Variants in ARK2N observed in about 807,000 individuals in gnomAD.
The protein encoded by ARK2N is arkadia (RNF111) N-terminal like PKA signaling regulator 2N.
At chr18:46,190,775 A>G in the ARK2N span, among the ~76,000 whole-genome samples, 1 of 152,138 alleles carries the variant, frequency 6.6e-6, no homozygotes, top group Admixed American at 6.6e-5. Flanking sequence ...CTAAGAAGCA[A>G]AGGCCAAGGT....
chr18:46,177,431 CT>C, the ARK2N span, among the ~76,000 whole-genome samples: 56,255 of 89,120 alleles, frequency 0.63, 16,897 homozygotes, highest in South Asian at 0.79. Context: ...TTTTTCTTTA[CT>C]TTTTTTTTTT....
At chr18:46,260,839 C>T in the ARK2N span, among the ~76,000 whole-genome samples, 3 of 152,170 alleles carry the variant, frequency 2.0e-5, no homozygotes, top group Non-Finnish European at 4.4e-5. Context: ...TACTCCAGTT[C>T]TATGCTTAAC....
the ARK2N span, among the ~76,000 whole-genome samples, chr18:46,199,353 T>C: frequency 0.72 from 109,369 of 151,732 alleles, 39,608 homozygotes; most frequent in Middle Eastern, 0.76. Context: ...CTCTCGCTGT[T>C]GCCCAGGCTG....
the ARK2N span, among the ~76,000 whole-genome samples, chr18:46,231,559 T>C: frequency 1.3e-4 from 17 of 135,544 alleles, no homozygotes; most frequent in Non-Finnish European, 2.1e-4. Context: ...TGATTAAAGG[T>C]TTGGGGCTTT....
At chr18:46,237,340 A>G in the ARK2N span, among the ~76,000 whole-genome samples, 2 of 151,606 alleles carry the variant, frequency 1.3e-5, no homozygotes, top group Non-Finnish European at 2.9e-5. Flanking sequence ...ACCATAAGTT[A>G]GCTAATATTT....
At chr18:46,214,743 T>G in the ARK2N span, among the ~76,000 whole-genome samples, 12 of 152,332 alleles carry the variant, frequency 7.9e-5, no homozygotes, top group South Asian at 2.3e-3. Context: ...TTCTCTTAAA[T>G]CCCTTTATTC....
chr18:46,188,776 G>T, the ARK2N span, among the ~76,000 whole-genome samples: 3 of 152,160 alleles, frequency 2.0e-5, no homozygotes, highest in Non-Finnish European at 4.4e-5. Context: ...ACTTTGGGAG[G>T]CAGAGGCCGG....
At chr18:46,202,978 A>G in the ARK2N span, among the ~76,000 whole-genome samples, 1 of 152,136 alleles carries the variant, frequency 6.6e-6, no homozygotes, top group Non-Finnish European at 1.5e-5. Context: ...AAACAAACAA[A>G]AAACCAACCA....
the ARK2N span, among the ~76,000 whole-genome samples, chr18:46,226,859 G>C: frequency 6.7e-6 from 1 of 150,074 alleles, no homozygotes; most frequent in Non-Finnish European, 1.5e-5. Flanking sequence ...CCAGGCTGGA[G>C]TGCAATGGTG....
the ARK2N span, among the ~76,000 whole-genome samples, chr18:46,238,524 A>C: frequency 6.6e-6 from 1 of 152,190 alleles, no homozygotes; most frequent in Admixed American, 6.5e-5. Context: ...ACTGATACCA[A>C]GGCCACACTG....
chr18:46,240,499 C>T, the ARK2N span, among the ~76,000 whole-genome samples: 2 of 152,102 alleles, frequency 1.3e-5, no homozygotes, highest in East Asian at 1.9e-4. Context: ...CAGATATGCT[C>T]ATATTCTTTG....
At chr18:46,188,421 G>A in the ARK2N span, among the ~76,000 whole-genome samples, 6 of 152,124 alleles carry the variant, frequency 3.9e-5, no homozygotes, top group East Asian at 9.7e-4. Context: ...GGTTGGTTTC[G>A]GAACTCCTGA....
the ARK2N span, among the ~76,000 whole-genome samples, chr18:46,186,198 G>C: frequency 7.2e-6 from 1 of 138,584 alleles, no homozygotes; most frequent in African/African-American, 2.7e-5. Flanking sequence ...TGATTATCAT[G>C]AATTTTTTTT....
chr18:46,213,932 G>C, the ARK2N span, among the ~76,000 whole-genome samples: 3 of 152,064 alleles, frequency 2.0e-5, no homozygotes, highest in Admixed American at 6.6e-5. Context: ...TCCAACCTCA[G>C]GTGATCCACT....
At chr18:46,246,595 A>G in the ARK2N span, among the ~76,000 whole-genome samples, 2 of 152,124 alleles carry the variant, frequency 1.3e-5, no homozygotes, top group African/African-American at 4.8e-5. Context: ...CACCCCCATC[A>G]CTTTCTCATG....
the ARK2N span, among the ~76,000 whole-genome samples, chr18:46,228,351 G>A: frequency 2.6e-5 from 4 of 152,042 alleles, no homozygotes; most frequent in Admixed American, 2.6e-4. Context: ...CACTTAACAG[G>A]CTTCTTTTTT....
the ARK2N span, among the ~76,000 whole-genome samples, chr18:46,191,041 G>A: frequency 5.3e-5 from 8 of 151,920 alleles, no homozygotes; most frequent in Non-Finnish European, 1.0e-4. Flanking sequence ...ATATTATCTC[G>A]GCACTGTTTT....
At chr18:46,216,768 T>C in the ARK2N span, 1 of 594,512 alleles carries the variant, frequency 1.7e-6, no homozygotes, top group South Asian at 2.5e-5. The surrounding 1 kb of genome is among the most constrained non-coding windows in gnomAD (Gnocchi z 4.3). Context: ...TGTTCTGAGG[T>C]TTCCAGTGAA....
chr18:46,239,840 C>CT, the ARK2N span, among the ~76,000 whole-genome samples: 1 of 152,118 alleles, frequency 6.6e-6, no homozygotes, highest in Non-Finnish European at 1.5e-5. Context: ...CTTGGATTAT[C>CT]TTTTTCACTT....
Sources: gnomAD v4.1 joint callset for allele counts (sites outside exome capture counted in the v4.1 genomes callset) on GRCh38, gnomAD v4.1.1 for gene constraint, Gnocchi (gnomAD v3.1) non-coding constraint, MANE v1.5 for transcripts, NCBI Gene and HGNC (gene_info 2026-07-23, HGNC 2026-07-21) for gene names.